NAT2: variants seen among roughly 807,000 people sequenced by gnomAD.
NAT2 encodes arylamine N-acetyltransferase 2.
For synonymous variants in NAT2, 137 were observed against 125.9 expected, an observed-to-expected ratio of 1.09 and a Z score of -0.59; for missense variants, 428 against 339.1, an observed-to-expected ratio of 1.26 and a Z score of -2.06.
chr8:18,387,976 T>C (rs559278878), upstream of NAT2, among the ~76,000 whole-genome samples: 3 of 152,206 alleles, frequency 2.0e-5, no homozygotes, highest in Non-Finnish European at 4.4e-5. Flanking sequence ...CTCACTTCAG[T>C]TAGGCCCTTG....
upstream of NAT2, among the ~76,000 whole-genome samples, chr8:18,388,058 C>T (rs1308842508): frequency 6.6e-6 from 1 of 152,198 alleles, no homozygotes; most frequent in East Asian, 1.9e-4. Context: ...TCTCCACCTT[C>T]TGCCAGGAGC....
At chr8:18,392,300 C>T (rs772901377) in intron 1 of NAT2, among the ~76,000 whole-genome samples, 47 of 152,102 alleles carry the variant, frequency 3.1e-4, no homozygotes, top group South Asian at 2.1e-4. Context: ...CACAGTAGGC[C>T]GTCTGCAAGC....
At position 18,396,680 on chromosome 8, in the gene NAT2, C is replaced by A. The variant is rs142738417; in HGVS notation, c.-6-3318C>A. 6.8e-3 allele frequency among the ~76,000 whole-genome samples: 1,032 copies of A among 152,240 alleles called. 5 individuals are homozygous for A. Among genetic ancestry groups the A allele is most frequent in the African/African-American group, 0.023 (966 of 41,550 alleles). On this transcript the variant is annotated intron_variant, in intron 1 of 1. Transcript: ENST00000286479. ...AAGTGCTGGGATGACAGGCATGAAC[C>A]AATGCACCCAGCCTGTAATTTTTTA...
chr8:18,395,222 C>G (rs1266803545), intron 1 of NAT2, among the ~76,000 whole-genome samples: 1 of 152,060 alleles, frequency 6.6e-6, no homozygotes, highest in Non-Finnish European at 1.5e-5. Flanking sequence ...AAGCTTCATT[C>G]AAAAGCACCC....
rs564435046 is a variant in NAT2 at position 18,393,395 on chromosome 8, G to A, written c.-7+2050G>A. On this transcript the variant is annotated intron_variant, in intron 1 of 1. Transcript: ENST00000286479. The stretch of plus-strand genomic sequence containing the variant: ...ACGTCCCATTCCAGGAGGTGGGACT[G>A]CAAATGGTTTAGGCCTTTAGACGTA... Among the ~76,000 whole-genome samples the A allele has an allele frequency of 4.5e-4, 69 of 152,244 alleles. 1 individual carries two copies. Among genetic ancestry groups the A allele is most frequent in the African/African-American group, 1.5e-3 (63 of 41,548 alleles).
intron 1 of NAT2, among the ~76,000 whole-genome samples, chr8:18,392,132 G>A (rs1800601145): frequency 6.6e-6 from 1 of 152,222 alleles, no homozygotes; most frequent in Admixed American, 6.5e-5. Flanking sequence ...TCATGTGACA[G>A]GTTGATTAAT....
intron 1 of NAT2, among the ~76,000 whole-genome samples, chr8:18,399,779 C>T (rs180672485): frequency 7.0e-6 from 1 of 143,838 alleles, no homozygotes; most frequent in African/African-American, 3.0e-5. Flanking sequence ...ACGGAAGATA[C>T]AATAATACTT....
At chr8:18,386,308 T>C (rs1307680987), upstream of NAT2, among the ~76,000 whole-genome samples, 6 of 152,216 alleles carry the variant, frequency 3.9e-5, no homozygotes, top group African/African-American at 1.4e-4. Flanking sequence ...TAGTGAGGCA[T>C]GTCAGTCACT....
At chr8:18,395,806 C>G (rs1253375553) in intron 1 of NAT2, among the ~76,000 whole-genome samples, 1 of 152,134 alleles carries the variant, frequency 6.6e-6, no homozygotes, top group African/African-American at 2.4e-5. Context: ...GTAAATAAGT[C>G]ATTCATTTAG....
chr8:18,392,862 C>T (rs1051302883), intron 1 of NAT2, among the ~76,000 whole-genome samples: 2 of 152,168 alleles, frequency 1.3e-5, no homozygotes, highest in African/African-American at 4.8e-5. Flanking sequence ...AAGGAAGAAG[C>T]TCGGCTAGCA....
chr8:18,387,743 C>G (rs1800529080), upstream of NAT2: 2 of 153,504 alleles, frequency 1.3e-5, no homozygotes, highest in Admixed American at 1.3e-4. Flanking sequence ...TAGCATTGTC[C>G]TGGCCCCGGG....
upstream of NAT2, among the ~76,000 whole-genome samples, chr8:18,386,908 C>T (rs1563245731): frequency 6.6e-6 from 1 of 152,218 alleles, no homozygotes. Context: ...CCTCACAACT[C>T]AGGTGAGCAA....
At chr8:18,387,399 C>T (rs1360593031), upstream of NAT2, 1 of 153,004 alleles carries the variant, frequency 6.5e-6, no homozygotes, top group Non-Finnish European at 1.5e-5. Context: ...GCTCTCGTGC[C>T]TTCCGCTGGT....
chr8:18,389,951 C>A (rs1021409638), upstream of NAT2, among the ~76,000 whole-genome samples: 4 of 152,122 alleles, frequency 2.6e-5, no homozygotes, highest in African/African-American at 7.2e-5. Flanking sequence ...AACAGTGAAC[C>A]CAAGACACCT....
chr8:18,397,362 GAT>G (rs1354197986), intron 1 of NAT2, among the ~76,000 whole-genome samples: 2 of 151,992 alleles, frequency 1.3e-5, no homozygotes, highest in African/African-American at 4.8e-5. Context: ...GAAAGTTATA[GAT>G]ATAAAGATGT....
At chr8:18,389,559 C>G (rs1262064233), upstream of NAT2, among the ~76,000 whole-genome samples, 2 of 152,206 alleles carry the variant, frequency 1.3e-5, no homozygotes, top group African/African-American at 4.8e-5. Context: ...ACAAAACTGT[C>G]AAACATTTGA....
At chr8:18,388,543 A>G (rs11780884), upstream of NAT2, among the ~76,000 whole-genome samples, 105,505 of 143,804 alleles carry the variant, frequency 0.73, 39,726 homozygotes, top group Middle Eastern at 0.85. Context: ...TGGATATAGA[A>G]CCCTTCTTCA....
chr8:18,391,957 CA>C (rs1301166548), intron 1 of NAT2, among the ~76,000 whole-genome samples: 1 of 152,206 alleles, frequency 6.6e-6, no homozygotes, highest in Non-Finnish European at 1.5e-5. Flanking sequence ...AGTCTTTAGA[CA>C]AAACTTAACT....
In NAT2 at chr8:18,392,864, C is replaced by T. The variant is rs143875687; in HGVS notation, c.-7+1519C>T. On this transcript the variant is annotated intron_variant, in intron 1 of 1. Transcript: ENST00000286479. ...TAAGAGAGAGAGGAAGGAAGAAGCT[C>T]GGCTAGCAAAGGTGGCCTTGTTATG... Among the ~76,000 whole-genome samples the T allele has an allele frequency of 8.4e-3, 1,275 of 152,244 alleles. 18 individuals are homozygous for T. The highest frequency in any genetic ancestry group is 0.029 in the African/African-American group (1,220 of 41,564).
Sources: allele counts gnomAD v4.1 joint callset (sites outside exome capture counted in the v4.1 genomes callset), GRCh38; gene constraint gnomAD v4.1.1; transcripts MANE v1.5; gene names NCBI Gene and HGNC (gene_info 2026-07-23, HGNC 2026-07-21).